FES: variants seen among roughly 807,000 people sequenced by gnomAD.
The protein encoded by FES is FES proto-oncogene, tyrosine kinase.
A neutral mutation model predicts 109.6 loss-of-function variants in FES; 83 were observed. The observed-to-expected ratio is 0.76, with a 90% CI of 0.63 to 0.91. The LOEUF is 0.91. FES is among the 40% of genes least tolerant of loss of function. The pLI, the probability that FES is intolerant of heterozygous loss-of-function variation, is 0.00. For synonymous variants in FES, 458 were observed against 442.1 expected (o/e 1.04, Z -0.45); for missense variants, 943 against 1,070.9 (o/e 0.88, Z 1.67).
At chr15:90,891,339 A>G in intron 11 of FES, 148 bp downstream of exon 11, 1 of 1,123,076 alleles carries the variant, frequency 8.9e-7, no homozygotes, top group Non-Finnish European at 1.3e-6. Context: ...CACAGAGACC[A>G]CCCTGTCCCT....
chr15:90,884,846 A>G (rs775401542), intron 1 of FES, 191 bp from the exon 2 acceptor site: 1 of 581,120 alleles, frequency 1.7e-6, no homozygotes, highest in Non-Finnish European at 3.1e-6. Context: ...CCTGACGCTA[A>G]GGAAGCAATG....
intron 12 of FES, 145 bp downstream of exon 12, chr15:90,891,821 C>G: frequency 1.5e-6 from 2 of 1,305,252 alleles, no homozygotes; most frequent in Non-Finnish European, 2.1e-6. Flanking sequence ...TCAGGGCCAG[C>G]CTTGCTCTAG....
rs746438688 is a variant in FES, at chr15:90,889,687, G to T, written c.926+51G>T. ...TGCGGCGGGGCTCCCAGCAGACCAC[G>T]AGTGTTTATGTAGGCAGGGCTAGGT... On this transcript the variant is annotated intron_variant, in intron 7 of 18. Coordinates refer to ENST00000328850, the MANE Select transcript of FES (RefSeq NM_002005.4). This position sits in a 1 kb window ranked among gnomAD's most constrained non-coding sequence, Gnocchi z 6.1. 1 of 1,608,984 alleles carries T rather than the reference G, an allele frequency of 6.2e-7. No individual in the cohort carries two copies. The highest frequency in any genetic ancestry group is 8.5e-7 in the Non-Finnish European group (1 of 1,179,478).
In FES at chr15:90,892,736, C is replaced by G; in HGVS notation, c.1737C>G (p.Arg579=). ...ACTTTGGCGAAGTGTTCAGCGGACG[C>G]CTGCGAGCCGACAACACCCTGGTGG... ...RGNFGEVFSG[R]LRADNTLVAV... is the part of the protein sequence containing the mutation. Residue 579 remains arginine (R), a synonymous_variant, in exon 14 of 19, where the codon CGC becomes CGG. Coordinates refer to ENST00000328850, the MANE Select transcript of FES (RefSeq NM_002005.4). The G allele has an allele frequency of 6.2e-7, 1 of 1,612,700 alleles. No individual in the cohort carries two copies. The highest frequency in any genetic ancestry group is 8.5e-7 in the Non-Finnish European group (1 of 1,179,652).
In FES at chr15:90,884,643, G is replaced by C. The variant is rs574385667; in HGVS notation, c.-10+99G>C. 5.8e-4 allele frequency: 99 copies of C among 169,854 alleles called. 1 individual carries two copies. The highest frequency in any genetic ancestry group is 2.3e-3 in the Admixed American group (37 of 16,344). 10.5% of individuals were successfully genotyped at this position (169,854 alleles called of 1,614,324 possible). The stretch of plus-strand genomic sequence containing the variant: ...CGAGGGCCAGAGACCCACCCAGGTG[G>C]GGGTAGGGGCCGCGGAAGGGCGGGG... On this transcript the variant is annotated intron_variant, in intron 1 of 18. Coordinates refer to ENST00000328850, the MANE Select transcript of FES (RefSeq NM_002005.4).
At chr15:90,891,774 C>G in intron 12 of FES, 98 bp downstream of exon 12, 1 of 1,531,402 alleles carries the variant, frequency 6.5e-7, no homozygotes, top group Non-Finnish European at 8.9e-7. Context: ...GCTTTCCAGG[C>G]CCTCCGTCTA....
At position 90,885,602 on chromosome 15, in the gene FES, G is replaced by A; in HGVS notation, c.387+17G>A. On this transcript the variant is annotated intron_variant, in intron 3 of 18. Coordinates refer to ENST00000328850, the MANE Select transcript of FES (RefSeq NM_002005.4). ...CTCACCAAGGTGAGCGGGCAGCACT[G>A]GGGCTTCGGTCATTTCTGTCTAAAT... is the stretch of plus-strand genomic sequence containing the variant. The A allele has an allele frequency of 6.2e-7, 1 of 1,608,060 alleles. No individual in the cohort carries two copies. The highest frequency in any genetic ancestry group is 8.5e-7 in the Non-Finnish European group (1 of 1,178,290).
rs1349309912 is a variant in FES, at chr15:90,893,167, A to G, written c.1894A>G (p.Ile632Val). 1.9e-6 allele frequency: 3 copies of G among 1,614,030 alleles called. No individual in the cohort carries two copies. Among genetic ancestry groups the G allele is most frequent in the African/African-American group, 1.3e-5 (1 of 75,070 alleles). The part of the protein sequence containing the change: ...LIGVCTQKQP[I>V]YIVMELVQGG... ...TGGTGTCTGCACCCAGAAGCAGCCCATCTACATCGTCATGGAGCTTGTGCA... is the reference window on the plus strand; with the variant it reads ...TGGTGTCTGCACCCAGAAGCAGCCCGTCTACATCGTCATGGAGCTTGTGCA... The change falls in exon 15 of 19, where the codon ATC (isoleucine) becomes GTC (valine). Residue 632 changes from isoleucine to valine, a missense_variant. Ile to Val is a conservative substitution (Grantham distance 29, BLOSUM62 3). Coordinates refer to ENST00000328850, the MANE Select transcript of FES (RefSeq NM_002005.4).
intron 10 of FES, 102 bp from the exon 11 acceptor site, chr15:90,890,880 A>G: frequency 8.5e-7 from 1 of 1,179,978 alleles, no homozygotes; most frequent in Non-Finnish European, 1.2e-6. Flanking sequence ...CATGGTTGTA[A>G]GGGCTGAGGG....
At chr15:90,895,322 T>A in intron 18 of FES, 94 bp from the exon 19 acceptor site, 1 of 1,144,218 alleles carries the variant, frequency 8.7e-7, no homozygotes. Context: ...CAGTGCATCT[T>A]AAGCAGCTCC....
intron 10 of FES, among the ~76,000 whole-genome samples, chr15:90,890,710 T>C (rs1262014409): frequency 1.7e-5 from 1 of 58,228 alleles, no homozygotes; most frequent in Admixed American, 2.3e-4. Context: ...TGGCTCTCCC[T>C]GCTTCAGGAG....
intron 18 of FES, 40 bp downstream of exon 18, chr15:90,894,098 T>C: frequency 6.2e-7 from 1 of 1,607,026 alleles, no homozygotes; most frequent in Non-Finnish European, 8.5e-7. Context: ...GGCTGCACCC[T>C]CTTCCAGATG....
chr15:90,892,530 C>T lies in FES; in HGVS notation c.1708-177C>T, dbSNP rs997796227. 65 of 602,602 alleles carry T rather than the reference C, an allele frequency of 1.1e-4. 1 individual carries two copies. In the African/African-American group the frequency reaches 1.1e-3, roughly 10 times the overall value. 37.3% of individuals were successfully genotyped at this position (602,602 alleles called of 1,614,324 possible). On this transcript the variant is annotated intron_variant, in intron 13 of 18. Transcript: ENST00000328850. ...GGTGGCACATCGGAGGCAACTTTCCCTGCCTGCCCCATGTGCTCTCTAGGT... is the reference window on the plus strand; with the variant it reads ...GGTGGCACATCGGAGGCAACTTTCCTTGCCTGCCCCATGTGCTCTCTAGGT...
chr15:90,888,755 T>C (rs958756247), intron 5 of FES, among the ~76,000 whole-genome samples: 9 of 71,914 alleles, frequency 1.3e-4, no homozygotes, highest in Admixed American at 4.6e-4. Flanking sequence ...TTCATTTATT[T>C]ATTTATTTAT....
chr15:90,893,249 C>G, intron 15 of FES, 42 bp from the exon 16 acceptor site: 3 of 1,613,020 alleles, frequency 1.9e-6, no homozygotes, highest in Non-Finnish European at 2.5e-6. Flanking sequence ...CAGGTGGCAG[C>G]CTTACCTCAG....
chr15:90,887,293 C>T lies in FES; in HGVS notation c.591C>T (p.His197=), dbSNP rs568342645. Residue 197 remains histidine (H), a synonymous_variant, in exon 5 of 19, where the codon CAC becomes CAT. Transcript: ENST00000328850. ...GCGTGCGGGCTGCGCAGCTACACCA[C>T]CAGCACCACCACCAGCTCCTGCTGC... The part of the protein sequence containing the change: ...VLGVRAAQLH[H]QHHHQLLLPG... The T allele has an allele frequency of 1.7e-4, 282 of 1,613,258 alleles. No individual in the cohort carries two copies. The Middle Eastern group carries it at 2.8e-3, about 16-fold the overall frequency.
intron 14 of FES, 26 bp downstream of exon 14, chr15:90,892,851 C>G: frequency 6.3e-7 from 1 of 1,594,610 alleles, no homozygotes; most frequent in Non-Finnish European, 8.6e-7. Flanking sequence ...ATGATCACCA[C>G]GGGTCCCGCA....
In FES at chr15:90,892,403, A is replaced by G; in HGVS notation, c.1707+292A>G. 3 of 584,428 alleles carry G rather than the reference A, an allele frequency of 5.1e-6. No homozygotes were observed. The South Asian group carries it at 6.3e-5, about 12-fold the overall frequency. The allele number at this position is 584,428 out of a possible 1,614,324, so 36.2% of individuals were successfully genotyped here. ...AGACACCCTGTTACTGTAAGCCATAAGATACCTGTTTAGGGAAGAAGTCAC... is the reference window on the plus strand; with the variant it reads ...AGACACCCTGTTACTGTAAGCCATAGGATACCTGTTTAGGGAAGAAGTCAC... On this transcript the variant is annotated intron_variant, in intron 13 of 18. Transcript: ENST00000328850.
rs773460215 is a variant in FES, at chr15:90,890,131, A to G, written c.1089A>G (p.Ala363=). 2 of 1,579,666 alleles carry G rather than the reference A, an allele frequency of 1.3e-6. No individual in the cohort carries two copies. The highest frequency in any genetic ancestry group is 1.7e-6 in the Non-Finnish European group (2 of 1,167,700). Residue 363 remains alanine, a synonymous_variant, in exon 9 of 19, where the codon GCA becomes GCG. Transcript: ENST00000328850. ...GCAAGAGGCAAGTGCTGCAAGAAGC[A>G]CTGCAGGGGCTGCAGGTAGCGCTGT... ...LLGKRQVLQE[A]LQGLQVALCS... is the part of the protein sequence containing the mutation.
Sources: gnomAD v4.1 joint callset for allele counts (sites outside exome capture counted in the v4.1 genomes callset) on GRCh38, gnomAD v4.1.1 for gene constraint, Gnocchi (gnomAD v3.1) non-coding constraint, MANE v1.5 for transcripts, NCBI Gene and HGNC (gene_info 2026-07-23, HGNC 2026-07-21) for gene names.